ARB2A: variants seen among roughly 807,000 people sequenced by gnomAD.
ARB2A encodes cotranscriptional regulator ARB2A.
chr5:93,832,414 T>C, the ARB2A span, among the ~76,000 whole-genome samples: 8 of 152,206 alleles, frequency 5.3e-5, no homozygotes, highest in Admixed American at 3.9e-4. Flanking sequence ...TTCTGATTAC[T>C]ACTAATCCTG....
the ARB2A span, among the ~76,000 whole-genome samples, chr5:93,778,780 G>A: frequency 6.6e-6 from 1 of 152,124 alleles, no homozygotes; most frequent in Admixed American, 6.6e-5. Flanking sequence ...ATTAATATAA[G>A]TGATGGCACA....
chr5:93,685,831 T>A, the ARB2A span, among the ~76,000 whole-genome samples: 1 of 152,220 alleles, frequency 6.6e-6, no homozygotes, highest in Non-Finnish European at 1.5e-5. Flanking sequence ...GCTTCTTATA[T>A]GTATTCCCAA....
chr5:93,926,247 A>G, the ARB2A span, among the ~76,000 whole-genome samples: 19 of 151,710 alleles, frequency 1.3e-4, no homozygotes, highest in Admixed American at 7.2e-4. Context: ...CTCCTGCCTC[A>G]GTCTCCCGAG....
chr5:93,974,735 A>G, the ARB2A span, among the ~76,000 whole-genome samples: 1 of 152,142 alleles, frequency 6.6e-6, no homozygotes, highest in Non-Finnish European at 1.5e-5. Flanking sequence ...TGAAAAAACT[A>G]AATTAAAAAA....
chr5:93,841,720 T>C, the ARB2A span, among the ~76,000 whole-genome samples: 6 of 152,208 alleles, frequency 3.9e-5, no homozygotes, highest in South Asian at 1.0e-3. Context: ...TATAACCCTG[T>C]TAAAACACAT....
the ARB2A span, among the ~76,000 whole-genome samples, chr5:93,780,441 C>T: frequency 5.3e-5 from 8 of 152,278 alleles, no homozygotes; most frequent in Admixed American, 2.6e-4. Context: ...AGCATCTATG[C>T]GTGGTCTTTT....
the ARB2A span, among the ~76,000 whole-genome samples, chr5:93,765,074 G>A: frequency 6.6e-6 from 1 of 151,984 alleles, no homozygotes; most frequent in African/African-American, 2.4e-5. Context: ...TATGACAAAC[G>A]CACAGCCAAT....
chr5:93,725,343 T>C, the ARB2A span, among the ~76,000 whole-genome samples: 1 of 152,016 alleles, frequency 6.6e-6, no homozygotes, highest in Non-Finnish European at 1.5e-5. Context: ...AATACCCCTA[T>C]CTCTTTCCAC....
the ARB2A span, chr5:93,865,863 T>C: frequency 6.1e-6 from 6 of 985,268 alleles, no homozygotes; most frequent in South Asian, 2.8e-4. Context: ...TGAGGTCAAA[T>C]ATGAGGTTAA....
the ARB2A span, among the ~76,000 whole-genome samples, chr5:94,107,825 T>C: frequency 1.3e-5 from 2 of 152,168 alleles, no homozygotes; most frequent in Non-Finnish European, 2.9e-5. Flanking sequence ...ATACAGTAGA[T>C]CTTACTGGAT....
At chr5:94,046,750 TA>T in the ARB2A span, among the ~76,000 whole-genome samples, 1 of 152,218 alleles carries the variant, frequency 6.6e-6, no homozygotes, top group East Asian at 1.9e-4. Context: ...CACTCATGCT[TA>T]TCGGATTCTG....
the ARB2A span, among the ~76,000 whole-genome samples, chr5:93,849,423 G>A: frequency 1.3e-5 from 2 of 152,046 alleles, no homozygotes; most frequent in Admixed American, 1.3e-4. Context: ...AGTATGCTAT[G>A]AGGAAATATT....
the ARB2A span, among the ~76,000 whole-genome samples, chr5:93,699,515 C>T: frequency 2.0e-5 from 3 of 152,046 alleles, no homozygotes; most frequent in Non-Finnish European, 4.4e-5. Context: ...TGGAATCCCC[C>T]CTTCCCTCAG....
At chr5:94,016,265 T>G in the ARB2A span, among the ~76,000 whole-genome samples, 3 of 152,092 alleles carry the variant, frequency 2.0e-5, no homozygotes, top group African/African-American at 7.2e-5. Context: ...CCTGGGGGTA[T>G]AGTGTTAAGA....
chr5:93,741,488 G>A, the ARB2A span: 3 of 1,613,032 alleles, frequency 1.9e-6, no homozygotes, highest in Non-Finnish European at 1.7e-6. Context: ...ACCCGCAGGG[G>A]CATCGGCCCT....
the ARB2A span, among the ~76,000 whole-genome samples, chr5:94,021,530 G>A: frequency 2.0e-4 from 30 of 152,324 alleles, no homozygotes; most frequent in African/African-American, 6.5e-4. Flanking sequence ...GCTGTTATCC[G>A]TGCAGTAACA....
the ARB2A span, among the ~76,000 whole-genome samples, chr5:93,932,524 G>A: frequency 6.6e-6 from 1 of 152,142 alleles, no homozygotes; most frequent in East Asian, 1.9e-4. Flanking sequence ...AGACAAATAT[G>A]CATTAAGTAT....
the ARB2A span, among the ~76,000 whole-genome samples, chr5:93,765,278 T>A: frequency 6.6e-6 from 1 of 152,308 alleles, no homozygotes; most frequent in South Asian, 2.1e-4. Context: ...GACGACGTGA[T>A]TGTATATCTA....
At chr5:93,668,018 T>C in the ARB2A span, among the ~76,000 whole-genome samples, 4 of 152,364 alleles carry the variant, frequency 2.6e-5, no homozygotes, top group South Asian at 6.2e-4. Flanking sequence ...ACTAAATTTC[T>C]TTTTCTACTA....
Sources: gnomAD v4.1 joint callset for allele counts (sites outside exome capture counted in the v4.1 genomes callset) on GRCh38, gnomAD v4.1.1 for gene constraint, MANE v1.5 for transcripts, NCBI Gene and HGNC (gene_info 2026-07-23, HGNC 2026-07-21) for gene names.